CEACAM7: variants seen among roughly 807,000 people sequenced by gnomAD.
CEACAM7 encodes the protein cell adhesion molecule CEACAM7.
A neutral mutation model predicts 25.7 loss-of-function variants in CEACAM7; 24 were observed. The observed-to-expected ratio is 0.93, with a 90% confidence interval of 0.68 to 1.31. The LOEUF (loss-of-function observed/expected upper bound fraction) is 1.31, where lower values mean the gene tolerates loss of function less well. CEACAM7 is among the 40% of genes most tolerant of loss of function. The pLI is 0.00. For synonymous variants in CEACAM7, 144 were observed against 129.4 expected (o/e 1.11, Z -0.77); for missense variants, 324 against 330.1 (o/e 0.98, Z 0.14).
intron 1 of CEACAM7, among the ~76,000 whole-genome samples, 164 bp from the exon 2 acceptor site, chr19:41,687,385 A>G (rs2072239941): frequency 6.6e-6 from 1 of 151,910 alleles, no homozygotes; most frequent in Non-Finnish European, 1.5e-5. Context: ...CATGTCCCCT[A>G]TCAGCACCTC....
chr19:41,686,358 A>G (rs2072225221), intron 2 of CEACAM7, among the ~76,000 whole-genome samples: 1 of 152,056 alleles, frequency 6.6e-6, no homozygotes, highest in Non-Finnish European at 1.5e-5. Flanking sequence ...GACCAGCTCC[A>G]TGAGCCATGA....
chr19:41,681,689 A>G (rs2072177284), intron 3 of CEACAM7, among the ~76,000 whole-genome samples: 1 of 152,344 alleles, frequency 6.6e-6, no homozygotes, highest in East Asian at 1.9e-4. Context: ...TGAACCTTAA[A>G]GACGTTATGC....
In CEACAM7 at chr19:41,686,934, C is replaced by T. The variant is rs782499272; in HGVS notation, c.352G>A (p.Ala118Thr). ...ATAACGTGTAGGGTATAGATTCCTG[C>T]GTCATTGTGGGTGACGTTCTGGATC... ...LLIQNVTHNDAGIYTLHVIKE... is the reference protein window; with the variant it reads ...LLIQNVTHNDTGIYTLHVIKE... The change falls in exon 2 of 5, where the codon GCA (alanine) becomes ACA (threonine). Residue 118 changes from alanine to threonine, a missense_variant. Coordinates refer to ENST00000401731, the MANE Select transcript of CEACAM7 (RefSeq NM_001291485.2). The T allele has an allele frequency of 3.8e-6, 6 of 1,597,796 alleles. No homozygotes were observed. The highest frequency in any genetic ancestry group is 3.5e-5 in the Admixed American group (2 of 57,210).
intron 3 of CEACAM7, 115 bp from the exon 4 acceptor site, chr19:41,677,618 AT>A: frequency 1.5e-6 from 1 of 664,968 alleles, no homozygotes; most frequent in Non-Finnish European, 2.6e-6. Flanking sequence ...GGAATACATT[AT>A]TTTTGTGGGA....
intron 3 of CEACAM7, among the ~76,000 whole-genome samples, chr19:41,677,793 T>C (rs2072130558): frequency 6.6e-6 from 1 of 152,178 alleles, no homozygotes; most frequent in Non-Finnish European, 1.5e-5. Flanking sequence ...TAATCTTGTA[T>C]GTCATTAAAA....
chr19:41,677,362 G>A lies in CEACAM7; in HGVS notation c.*36+14C>T, dbSNP rs1555810212. On this transcript the variant is annotated intron_variant, in intron 4 of 4. Transcript: ENST00000401731. The stretch of plus-strand genomic sequence containing the variant: ...TGCAGGAAATAGGATAAGAGGAAAG[G>A]TCATAATACCTACCACTCTTCCCGA... 1.5e-6 allele frequency: 2 copies of A among 1,378,988 alleles called. No individual in the cohort carries two copies. The highest frequency in any genetic ancestry group is 2.1e-6 in the Non-Finnish European group (2 of 966,108). 85.4% of individuals were successfully genotyped at this position (1,378,988 alleles called of 1,614,324 possible).
intron 2 of CEACAM7, among the ~76,000 whole-genome samples, chr19:41,684,308 C>T (rs1447880221): frequency 6.6e-6 from 1 of 152,192 alleles, no homozygotes; most frequent in Non-Finnish European, 1.5e-5. Context: ...AGCGTTGGCC[C>T]ATGGACAGAC....
chr19:41,678,707 G>A (rs1465518865), intron 3 of CEACAM7, among the ~76,000 whole-genome samples: 1 of 152,158 alleles, frequency 6.6e-6, no homozygotes, highest in Non-Finnish European at 1.5e-5. Context: ...CTGACTTCAA[G>A]GCTAATAATA....
intron 2 of CEACAM7, among the ~76,000 whole-genome samples, chr19:41,685,586 G>A (rs2072218541): frequency 6.6e-6 from 1 of 152,168 alleles, no homozygotes; most frequent in South Asian, 2.1e-4. Context: ...TACTGAGCGA[G>A]TGTGTTTCTC....
chr19:41,677,460 G>C lies in CEACAM7; in HGVS notation c.750C>G (p.Thr250=). The C allele has an allele frequency of 6.2e-7, 1 of 1,614,008 alleles. No homozygotes were observed. The highest frequency in any genetic ancestry group is 1.1e-5 in the South Asian group (1 of 91,054). ...QASSPDLSAG[T]AVSIMIGVLA... is the part of the protein sequence containing the mutation. ...GTACTCCAATCATGATGCTGACAGC[G>C]GTCCCAGCTGAGAGGTCAGGTGAAC... Residue 250 remains threonine (T), a synonymous_variant, in exon 4 of 5, where the codon ACC becomes ACG. Coordinates refer to ENST00000401731, the MANE Select transcript of CEACAM7 (RefSeq NM_001291485.2).
At chr19:41,687,262 G>T (rs543241573) in intron 1 of CEACAM7, 41 bp from the exon 2 acceptor site, 2 of 1,535,564 alleles carry the variant, frequency 1.3e-6, no homozygotes, top group Non-Finnish European at 1.7e-6. Context: ...TGGGACCTAT[G>T]TATTGGGGTG....
chr19:41,676,248 A>T lies in CEACAM7; in HGVS notation c.*36+1128T>A, dbSNP rs115305184. Among the ~76,000 whole-genome samples the T allele has an allele frequency of 8.7e-3, 1,320 of 152,314 alleles. 26 individuals are homozygous for T. Among genetic ancestry groups the T allele is most frequent in the African/African-American group, 0.03 (1,257 of 41,566 alleles). On this transcript the variant is annotated intron_variant, in intron 4 of 4. Coordinates refer to ENST00000401731, the MANE Select transcript of CEACAM7 (RefSeq NM_001291485.2). ...AATGTATGAGCAGAGCCTGGAAATC[A>T]GTTGTTCTTTTAAAAATTTTCCAGT...
intron 1 of CEACAM7, among the ~76,000 whole-genome samples, 194 bp downstream of exon 1, chr19:41,687,908 G>T (rs1280114667): frequency 6.6e-6 from 1 of 152,220 alleles, no homozygotes; most frequent in Non-Finnish European, 1.5e-5. Flanking sequence ...GAACATGTGA[G>T]ATTTTCTTGA....
chr19:41,674,849 C>T (rs1311977189), intron 4 of CEACAM7, 110 bp from the exon 5 acceptor site: 3 of 156,030 alleles, frequency 1.9e-5, no homozygotes, highest in Non-Finnish European at 4.2e-5. Flanking sequence ...CTCCCTGTTT[C>T]TACCAAAGTT....
chr19:41,684,976 T>C (rs1314754235), intron 2 of CEACAM7, among the ~76,000 whole-genome samples: 1 of 152,168 alleles, frequency 6.6e-6, no homozygotes, highest in Non-Finnish European at 1.5e-5. Flanking sequence ...CTGGTGCAGT[T>C]CCCATTCCAA....
intron 3 of CEACAM7, 60 bp from the exon 4 acceptor site, chr19:41,677,563 A>G: frequency 3.3e-6 from 4 of 1,222,352 alleles, no homozygotes; most frequent in Non-Finnish European, 3.6e-6. Flanking sequence ...GAAGTCCCCC[A>G]GGAACCAACT....
In CEACAM7 at chr19:41,673,894, T is replaced by G. The variant is rs1373173547; in HGVS notation, c.*882A>C. The G allele has an allele frequency of 6.6e-6, 1 of 152,172 alleles. No homozygotes were observed. Among genetic ancestry groups the G allele is most frequent in the Non-Finnish European group, 1.5e-5 (1 of 68,036 alleles). 9.4% of individuals were successfully genotyped at this position (152,172 alleles called of 1,614,324 possible). ...TACAGCACACCAGGGTAACTAATAT[T>G]GTGACAATCAGGAGGATCACACCAA... On this transcript the variant is annotated 3_prime_UTR_variant, in exon 5 of 5. Transcript: ENST00000401731.
At chr19:41,676,838 T>C (rs548493811) in intron 4 of CEACAM7, among the ~76,000 whole-genome samples, 1 of 152,208 alleles carries the variant, frequency 6.6e-6, no homozygotes, top group East Asian at 1.9e-4. Flanking sequence ...GCAGGATGTA[T>C]AGGAAGACAG....
chr19:41,677,459 C>A lies in CEACAM7; in HGVS notation c.751G>T (p.Ala251Ser). 6.2e-7 allele frequency: 1 copy of A among 1,613,914 alleles called. No individual in the cohort carries two copies. Among genetic ancestry groups the A allele is most frequent in the East Asian group, 2.2e-5 (1 of 44,890 alleles). Residue 251 changes from alanine to serine, a missense_variant, in exon 4 of 5, where the codon GCT becomes TCT. Ala to Ser is a moderately conservative substitution (Grantham distance 99, BLOSUM62 1). Transcript: ENST00000401731. ...AGTACTCCAATCATGATGCTGACAG[C>A]GGTCCCAGCTGAGAGGTCAGGTGAA... ...ASSPDLSAGT[A>S]VSIMIGVLAG... is the part of the protein sequence containing the mutation.
Sources: gnomAD v4.1 joint callset for allele counts (sites outside exome capture counted in the v4.1 genomes callset) on GRCh38, gnomAD v4.1.1 for gene constraint, MANE v1.5 for transcripts, NCBI Gene and HGNC (gene_info 2026-07-23, HGNC 2026-07-21) for gene names.